S100G: variants seen among roughly 807,000 people sequenced by gnomAD.
S100G encodes the protein protein S100-G.
S100G carries 4 observed loss-of-function variants against 4.4 expected under a neutral mutation model. That is an observed-to-expected ratio of 0.91 (90% CI 0.45 to 2.09). S100G has a LOEUF of 2.09. Ranked by LOEUF, S100G falls within the 30% of genes most tolerant of loss-of-function variation. S100G has a pLI of 0.03. For missense variants in S100G, 48 were observed against 49.8 expected (o/e 0.96, Z 0.11); for synonymous variants, 24 against 20.1 (o/e 1.20, Z -0.53).
intron 2 of S100G, 41 bp from the exon 3 acceptor site, chrX:16,654,364 T>C (rs1239599396): frequency 2.1e-6 from 2 of 937,870 alleles, no homozygotes; most frequent in East Asian, 6.4e-5. Flanking sequence ...TGATTCATTT[T>C]TTCTCCCCTC....
At chrX:16,654,077 C>T (rs1024849838) in intron 2 of S100G, among the ~76,000 whole-genome samples, 1 of 112,008 alleles carries the variant, frequency 8.9e-6, no homozygotes, top group Non-Finnish European at 1.9e-5. Context: ...CCAGTGAAGC[C>T]CACAGATCCC....
At chrX:16,653,982 C>A (rs1480628593) in intron 2 of S100G, among the ~76,000 whole-genome samples, 4 of 111,225 alleles carry the variant, frequency 3.6e-5, no homozygotes, top group Non-Finnish European at 7.5e-5. Context: ...AATATGTCAG[C>A]CCTAGCCCTG....
In S100G at chrX:16,651,100, C is replaced by T. The variant is rs1932601281; in HGVS notation, c.94C>T (p.Leu32=). The change falls in exon 2 of 3, where the codon CTG becomes TTG. Residue 32 remains leucine (L), a synonymous_variant. Transcript: ENST00000380200. ...GDPDQLSKDE[L]KLLIQAEFPS... The stretch of plus-strand genomic sequence containing the variant: ...TCCAGACCAGTTGTCAAAGGATGAA[C>T]TGAAGCTATTGATTCAGGCTGAATT... The T allele has an allele frequency of 9.2e-6, 11 of 1,192,857 alleles. No homozygotes were observed. Among genetic ancestry groups the T allele is most frequent in the Non-Finnish European group, 1.2e-5 (11 of 883,744 alleles).
intron 2 of S100G, 105 bp downstream of exon 2, chrX:16,651,246 G>C: frequency 1.3e-6 from 1 of 756,214 alleles, no homozygotes; most frequent in South Asian, 2.7e-5. Context: ...TCGCTTGAGG[G>C]AGGACACATG....
At chrX:16,653,541 T>C (rs1295168387) in intron 2 of S100G, among the ~76,000 whole-genome samples, 1 of 111,411 alleles carries the variant, frequency 9.0e-6, no homozygotes, top group African/African-American at 3.3e-5. Flanking sequence ...GCCCAGGAGG[T>C]GGAAGCTGCA....
intron 2 of S100G, 102 bp from the exon 3 acceptor site, chrX:16,654,303 T>C: frequency 2.0e-6 from 1 of 506,364 alleles, no homozygotes. Context: ...AGCTGCCTTC[T>C]TGGCACACAG....
chrX:16,650,511 C>CT (rs1167079038), intron 1 of S100G, among the ~76,000 whole-genome samples: 2,212 of 77,048 alleles, frequency 0.029, 114 homozygotes, highest in African/African-American at 0.075. Flanking sequence ...TCTAAGATGT[C>CT]TTTTTTTTTT....
At chrX:16,653,969 T>G (rs1272900130) in intron 2 of S100G, among the ~76,000 whole-genome samples, 4 of 110,927 alleles carry the variant, frequency 3.6e-5, no homozygotes. Context: ...TGCTGCCTCA[T>G]GTAATATGTC....
At chrX:16,650,502 CTAAGA>C (rs949692872) in intron 1 of S100G, among the ~76,000 whole-genome samples, 11 of 103,766 alleles carry the variant, frequency 1.1e-4, no homozygotes, top group African/African-American at 3.9e-4. Context: ...AACATACTAT[CTAAGA>C]TGTCTTTTTT....
chrX:16,650,700 C>T (rs1170975011), intron 1 of S100G, among the ~76,000 whole-genome samples: 1 of 108,878 alleles, frequency 9.2e-6, no homozygotes. Flanking sequence ...GAGACAGGGT[C>T]TCACCATGTT....
At chrX:16,652,927 G>T (rs929750773) in intron 2 of S100G, among the ~76,000 whole-genome samples, 4 of 111,323 alleles carry the variant, frequency 3.6e-5, no homozygotes, top group African/African-American at 1.3e-4. Flanking sequence ...CTTACAGTTT[G>T]GTCTTGTAAT....
At position 16,654,481 on chromosome X, in the gene S100G, A is replaced by T. The variant is rs1602207047; in HGVS notation, c.212A>T (p.Gln71Leu). ...GGAGAAGTTAGTTTTGAAGAATTCC[A>T]AGTATTAGTAAAAAAGATATCCCAG... Reference protein sequence around the residue: ...GDGEVSFEEFQVLVKKISQ With the variant: ...GDGEVSFEEFLVLVKKISQ The change falls in exon 3 of 3, where the codon CAA becomes CTA. Residue 71 changes from glutamine to leucine, a missense_variant. Gln to Leu is a moderately radical substitution (Grantham distance 113, BLOSUM62 -2). Coordinates refer to ENST00000380200, the MANE Select transcript of S100G (RefSeq NM_004057.3). The T allele has an allele frequency of 2.5e-6, 3 of 1,187,142 alleles. No homozygotes were observed. In the East Asian group the frequency reaches 8.9e-5, roughly 35 times the overall value.
At chrX:16,650,590 G>A (rs1172056238) in intron 1 of S100G, among the ~76,000 whole-genome samples, 2 of 95,685 alleles carry the variant, frequency 2.1e-5, no homozygotes, top group Non-Finnish European at 4.0e-5. Context: ...CGCACTCACT[G>A]CAACCTCCGC....
In S100G at chrX:16,651,219, G is replaced by C. The variant is rs1932612970; in HGVS notation, c.135+78G>C. ...GGAGGGAGGGGAGAGGACTCCGGTAGAGCCTTATAGGGACCGTCGCTTGAG... is the reference window on the plus strand; with the variant it reads ...GGAGGGAGGGGAGAGGACTCCGGTACAGCCTTATAGGGACCGTCGCTTGAG... On this transcript the variant is annotated intron_variant, in intron 2 of 2. Transcript: ENST00000380200. 34 of 948,686 alleles carry C rather than the reference G, an allele frequency of 3.6e-5. No homozygotes were observed. In the South Asian group the frequency reaches 7.7e-4, roughly 21 times the overall value. 78.2% of individuals were successfully genotyped at this position (948,686 alleles called of 1,213,427 possible). A position where few individuals can be genotyped will look rare whatever the true frequency, so the allele number is the denominator to read the frequency against.
In S100G at chrX:16,654,387, C is replaced by T; in HGVS notation, c.136-18C>T. 9.2e-7 allele frequency: 1 copy of T among 1,088,210 alleles called. No homozygotes were observed. The highest frequency in any genetic ancestry group is 1.2e-6 in the Non-Finnish European group (1 of 804,923). The allele number at this position is 1,088,210 out of a possible 1,213,427, so 89.7% of individuals were successfully genotyped here. A position where few individuals can be genotyped will look rare whatever the true frequency, so the allele number is the denominator to read the frequency against. On this transcript the variant is annotated intron_variant, in intron 2 of 2. Transcript: ENST00000380200. The stretch of plus-strand genomic sequence containing the variant: ...TTTTTCTCCCCTCCCTTCTCCCATC[C>T]TTTTTTATGTAAAACAGGGTCCAAA...
chrX:16,653,626 A>C (rs1214673107), intron 2 of S100G, among the ~76,000 whole-genome samples: 1 of 110,796 alleles, frequency 9.0e-6, no homozygotes, highest in African/African-American at 3.3e-5. Flanking sequence ...CTCGGGCCCC[A>C]CCCCAGGCCT....
In S100G at chrX:16,654,591, T is replaced by A; in HGVS notation, c.*82T>A. 1 of 505,824 alleles carries A rather than the reference T, an allele frequency of 2.0e-6. No homozygotes were observed. 41.7% of individuals were successfully genotyped at this position (505,824 alleles called of 1,213,427 possible). A position where few individuals can be genotyped will look rare whatever the true frequency, so the allele number is the denominator to read the frequency against. ...TTATCCTATGTGGAATCCCCCAAAGTCTCTGGTTTAATTCTTTGCAATTAT... is the reference window on the plus strand; with the variant it reads ...TTATCCTATGTGGAATCCCCCAAAGACTCTGGTTTAATTCTTTGCAATTAT... On this transcript the variant is annotated 3_prime_UTR_variant, in exon 3 of 3. Coordinates refer to ENST00000380200, the MANE Select transcript of S100G (RefSeq NM_004057.3).
rs990013517 is a variant in S100G at position 16,654,322 on chromosome X, G to T, written c.136-83G>T. On this transcript the variant is annotated intron_variant, in intron 2 of 2. Transcript: ENST00000380200. ...GCCTTCTTGGCACACAGACCCCAAGGCCTCTAATTTCTGAGAATGTGTAGC... is the reference window on the plus strand; with the variant it reads ...GCCTTCTTGGCACACAGACCCCAAGTCCTCTAATTTCTGAGAATGTGTAGC... 4 of 604,501 alleles carry T rather than the reference G, an allele frequency of 6.6e-6. No individual in the cohort carries two copies. In the African/African-American group the frequency reaches 9.2e-5, roughly 14 times the overall value. 49.8% of individuals were successfully genotyped at this position (604,501 alleles called of 1,213,427 possible). A position where few individuals can be genotyped will look rare whatever the true frequency, so the allele number is the denominator to read the frequency against.
chrX:16,652,076 G>T (rs758747633), intron 2 of S100G, among the ~76,000 whole-genome samples: 2 of 111,472 alleles, frequency 1.8e-5, no homozygotes, highest in Non-Finnish European at 3.8e-5. Flanking sequence ...GGAGCTTCTG[G>T]CTAAATTGCC....
Sources: allele counts gnomAD v4.1 joint callset (sites outside exome capture counted in the v4.1 genomes callset), GRCh38; gene constraint gnomAD v4.1.1; transcripts MANE v1.5; gene names NCBI Gene and HGNC (gene_info 2026-07-23, HGNC 2026-07-21).